SRBD1: variants seen among roughly 807,000 people sequenced by gnomAD.
SRBD1 encodes S1 RNA-binding domain-containing protein 1.
SRBD1 carries 88 observed loss-of-function variants against 115.3 expected under a neutral mutation model. The ratio of observed to expected loss-of-function variants is 0.76; its 90% CI spans 0.64 to 0.91. The LOEUF is 0.91. Among genes scored for constraint, SRBD1 ranks in the 40% least tolerant of loss-of-function variants. The pLI is 0.00. For synonymous variants in SRBD1, 509 were observed against 407.7 expected (o/e 1.25, Z -2.99); for missense variants, 1,385 against 1,177.4 (o/e 1.18, Z -2.58).
intron 19 of SRBD1, among the ~76,000 whole-genome samples, chr2:45,399,522 G>A (rs1343517779): frequency 6.6e-6 from 1 of 152,066 alleles, no homozygotes; most frequent in Non-Finnish European, 1.5e-5. Context: ...CAAAATCTCA[G>A]AGAGATTAAG....
intron 14 of SRBD1, chr2:45,546,325 T>A: frequency 1.0e-6 from 1 of 985,464 alleles, no homozygotes; most frequent in Non-Finnish European, 1.2e-6. Flanking sequence ...ACCTTGGCTC[T>A]CAGTTCTGAA....
intron 14 of SRBD1, among the ~76,000 whole-genome samples, chr2:45,540,335 C>T (rs1158236882): frequency 6.9e-6 from 1 of 145,798 alleles, no homozygotes; most frequent in Non-Finnish European, 1.5e-5. Flanking sequence ...AGAGAGAGTC[C>T]ATCTTAAAAA....
intron 16 of SRBD1, among the ~76,000 whole-genome samples, chr2:45,446,012 GA>G (rs1668813215): frequency 6.6e-6 from 1 of 152,186 alleles, no homozygotes; most frequent in Non-Finnish European, 1.5e-5. Context: ...GTTGTAGGCT[GA>G]CACATACATG....
At chr2:45,557,979 C>G (rs1271789509) in intron 10 of SRBD1, among the ~76,000 whole-genome samples, 1 of 152,152 alleles carries the variant, frequency 6.6e-6, no homozygotes, top group Admixed American at 6.5e-5. Flanking sequence ...TCCACTTTGG[C>G]AAAGAAATAT....
At chr2:45,412,464 T>G (rs1354163269) in intron 19 of SRBD1, among the ~76,000 whole-genome samples, 1 of 152,174 alleles carries the variant, frequency 6.6e-6, no homozygotes, top group Non-Finnish European at 1.5e-5. Flanking sequence ...TCATTTTAGA[T>G]TCAATAAAAG....
intron 4 of SRBD1, among the ~76,000 whole-genome samples, chr2:45,589,892 C>T (rs955859482): frequency 1.4e-4 from 22 of 152,144 alleles, no homozygotes; most frequent in African/African-American, 5.1e-4. Context: ...CAAAAGCAGA[C>T]AGACATGTAA....
intron 10 of SRBD1, among the ~76,000 whole-genome samples, chr2:45,561,366 C>G (rs1672659702): frequency 6.6e-6 from 1 of 152,260 alleles, no homozygotes; most frequent in East Asian, 1.9e-4. Flanking sequence ...TGTTGTTTTA[C>G]TTAATGGTTG....
chr2:45,463,106 A>G (rs919860102), intron 16 of SRBD1, among the ~76,000 whole-genome samples: 1 of 152,146 alleles, frequency 6.6e-6, no homozygotes, highest in African/African-American at 2.4e-5. Context: ...GATCACCAGA[A>G]AGAAAGACAA....
At chr2:45,393,371 C>G (rs1667059092) in intron 19 of SRBD1, among the ~76,000 whole-genome samples, 1 of 152,122 alleles carries the variant, frequency 6.6e-6, no homozygotes, top group African/African-American at 2.4e-5. Context: ...TGCTCAGAGT[C>G]AGCACCAAAA....
chr2:45,407,505 C>T (rs1360748434), intron 19 of SRBD1, among the ~76,000 whole-genome samples: 1 of 152,124 alleles, frequency 6.6e-6, no homozygotes, highest in Non-Finnish European at 1.5e-5. Context: ...TTTATCCTCC[C>T]CAAGGAGTTA....
intron 14 of SRBD1, among the ~76,000 whole-genome samples, chr2:45,496,756 T>C (rs894806386): frequency 6.6e-6 from 1 of 152,144 alleles, no homozygotes; most frequent in Non-Finnish European, 1.5e-5. Flanking sequence ...TCTGAACTTA[T>C]ACCTCAGCAG....
intron 12 of SRBD1, 97 bp downstream of exon 12, chr2:45,551,028 T>C: frequency 7.0e-7 from 1 of 1,429,218 alleles, no homozygotes; most frequent in Non-Finnish European, 9.3e-7. Context: ...TTTAAGCCTT[T>C]AAAATTAACA....
intron 6 of SRBD1, among the ~76,000 whole-genome samples, chr2:45,580,748 C>T (rs1267473014): frequency 1.4e-5 from 2 of 140,498 alleles, no homozygotes; most frequent in East Asian, 2.1e-4. Context: ...TGCAGTGGCA[C>T]GATCTCAGCT....
chr2:45,451,508 G>C (rs1179188159), intron 16 of SRBD1, among the ~76,000 whole-genome samples: 1 of 151,976 alleles, frequency 6.6e-6, no homozygotes, highest in Non-Finnish European at 1.5e-5. Flanking sequence ...TTTTGTGGAA[G>C]AGAGATAGCA....
At position 45,601,997 on chromosome 2, in the gene SRBD1, G is replaced by A. The variant is rs765414795; in HGVS notation, c.167C>T (p.Pro56Leu). ...CATCCTCTTTGGTTTGGATTCCTTG[G>A]GAGGGGGCTGTTTACGGCTTCTGGG... ...KVPRSRKQPP[P>L]KESKPKRMPR... The change falls in exon 3 of 21, where the codon CCC becomes CTC. Residue 56 changes from proline (P) to leucine (L), a missense_variant. Physicochemically the swap from Pro to Leu is moderately conservative, Grantham distance 98. Coordinates refer to ENST00000263736, the MANE Select transcript of SRBD1 (RefSeq NM_018079.5). 2 of 1,614,192 alleles carry A rather than the reference G, an allele frequency of 1.2e-6. No homozygotes were observed. Among genetic ancestry groups the A allele is most frequent in the Non-Finnish European group, 1.7e-6 (2 of 1,180,030 alleles).
chr2:45,491,331 A>C (rs1670285969), intron 14 of SRBD1, among the ~76,000 whole-genome samples: 1 of 152,206 alleles, frequency 6.6e-6, no homozygotes. Context: ...ACATTTCACA[A>C]AACAAATTTC....
At chr2:45,440,553 T>TAAAA (rs1668633917) in intron 16 of SRBD1, among the ~76,000 whole-genome samples, 1 of 152,194 alleles carries the variant, frequency 6.6e-6, no homozygotes, top group Non-Finnish European at 1.5e-5. Flanking sequence ...TAGTTCTGGC[T>TAAAA]CATGACATAT....
intron 5 of SRBD1, among the ~76,000 whole-genome samples, chr2:45,582,763 T>TCTAA (rs1236703457): frequency 6.6e-6 from 1 of 152,160 alleles, no homozygotes; most frequent in African/African-American, 2.4e-5. Context: ...AGGCTTATCT[T>TCTAA]CTAGTTTCCC....
chr2:45,439,662 T>C (rs1415661253), intron 16 of SRBD1, among the ~76,000 whole-genome samples: 1 of 151,916 alleles, frequency 6.6e-6, no homozygotes, highest in African/African-American at 2.4e-5. Context: ...AGCAAAACTG[T>C]AGACCTTAAT....
Sources: allele counts gnomAD v4.1 joint callset (sites outside exome capture counted in the v4.1 genomes callset), GRCh38; gene constraint gnomAD v4.1.1; transcripts MANE v1.5; gene names NCBI Gene and HGNC (gene_info 2026-07-23, HGNC 2026-07-21).